Variants in DNAH6 observed in about 807,000 individuals in gnomAD.
The protein encoded by DNAH6 is axonemal beta dynein heavy chain 6.
Under a neutral mutation model 491.4 loss-of-function variants are expected in DNAH6, and 340 were observed. The observed-to-expected ratio is 0.69, with a 90% CI of 0.63 to 0.76. The LOEUF is 0.76. Ranked by LOEUF, DNAH6 falls within the 30% of genes least tolerant of loss-of-function variation. DNAH6 has a pLI of 0.00. For missense variants in DNAH6, 4,443 were observed against 4,972.2 expected (o/e 0.89, Z 3.20); for synonymous variants, 1,603 against 1,686.1 (o/e 0.95, Z 1.21).
chr2:84,685,302 T>A, intron 42 of DNAH6, 24 bp from the exon 43 acceptor site: 2 of 1,429,142 alleles, frequency 1.4e-6, no homozygotes, highest in Non-Finnish European at 1.9e-6. Flanking sequence ...TTTTCTTTTT[T>A]TTTTTCCTTT....
chr2:84,532,804 A>ATG (rs1216793406), intron 4 of DNAH6, among the ~76,000 whole-genome samples: 1 of 152,150 alleles, frequency 6.6e-6, no homozygotes, highest in Non-Finnish European at 1.5e-5. Context: ...TAAAAATGAT[A>ATG]TGTCATGCTA....
At chr2:84,804,419 T>A (rs1012492215) in intron 70 of DNAH6, among the ~76,000 whole-genome samples, 2 of 152,058 alleles carry the variant, frequency 1.3e-5, no homozygotes, top group Non-Finnish European at 2.9e-5. Flanking sequence ...TTACATAAAT[T>A]TATTAGCTCA....
chr2:84,794,952 G>C (rs1413783480), intron 68 of DNAH6, among the ~76,000 whole-genome samples: 1 of 151,404 alleles, frequency 6.6e-6, no homozygotes, highest in Non-Finnish European at 1.5e-5. Context: ...TGATACACTG[G>C]ATTAAGAAAA....
At chr2:84,805,266 A>G (rs998796673) in intron 70 of DNAH6, among the ~76,000 whole-genome samples, 1 of 152,238 alleles carries the variant, frequency 6.6e-6, no homozygotes, top group African/African-American at 2.4e-5. Flanking sequence ...TCCTTAAGCC[A>G]GTCACAAAAA....
At chr2:84,496,490 A>G in the DNAH6 span, among the ~76,000 whole-genome samples, 1 of 152,208 alleles carries the variant, frequency 6.6e-6, no homozygotes, top group Non-Finnish European at 1.5e-5. Flanking sequence ...AAATATTTTC[A>G]TCTTTATATT....
intron 72 of DNAH6, among the ~76,000 whole-genome samples, chr2:84,811,248 G>A (rs988630839): frequency 1.1e-4 from 17 of 152,254 alleles, no homozygotes; most frequent in African/African-American, 4.1e-4. Context: ...TGCTGTGCAT[G>A]TGGTCCCAGG....
intron 63 of DNAH6, among the ~76,000 whole-genome samples, chr2:84,747,532 C>G (rs1387010980): frequency 6.6e-6 from 1 of 152,188 alleles, no homozygotes; most frequent in Non-Finnish European, 1.5e-5. Context: ...TCCCCATGGC[C>G]TTTTGGGGAG....
chr2:84,672,489 C>G lies in DNAH6; in HGVS notation c.6612+5C>G. On this transcript the variant is annotated splice_donor_5th_base_variant and intron_variant, in intron 40 of 76. Coordinates refer to ENST00000389394, the MANE Select transcript of DNAH6 (RefSeq NM_001370.2). ...CTGTTTTGGAAAGAAATACAGGTTA[C>G]TTTAGCTTTTAAATTACTTGGTGTG... 1 of 1,545,758 alleles carries G rather than the reference C, an allele frequency of 6.5e-7. No individual in the cohort carries two copies. The highest frequency in any genetic ancestry group is 2.5e-5 in the East Asian group (1 of 40,814).
intron 54 of DNAH6, among the ~76,000 whole-genome samples, chr2:84,708,700 A>G (rs1220750948): frequency 6.6e-6 from 1 of 152,218 alleles, no homozygotes; most frequent in Admixed American, 6.5e-5. Context: ...TTTCATCTAC[A>G]TGCATTTTCC....
chr2:84,731,770 G>C lies in DNAH6; in HGVS notation c.10207-1674G>C, dbSNP rs529301108. Among the ~76,000 whole-genome samples the C allele has an allele frequency of 7.9e-5, 12 of 152,298 alleles. No individual in the cohort carries two copies. The South Asian group carries it at 2.5e-3, about 32-fold the overall frequency. Reference sequence around the variant, plus strand: ...GAGACACAACATTATAAGCCAGCTGGTTTGCCAGAGATAACTTAGGAGAAG... The same window carrying C: ...GAGACACAACATTATAAGCCAGCTGCTTTGCCAGAGATAACTTAGGAGAAG... On this transcript the variant is annotated intron_variant, in intron 61 of 76. Coordinates refer to ENST00000389394, the MANE Select transcript of DNAH6 (RefSeq NM_001370.2).
intron 30 of DNAH6, 33 bp from the exon 31 acceptor site, chr2:84,637,177 A>G: frequency 1.3e-6 from 2 of 1,493,268 alleles, no homozygotes; most frequent in Middle Eastern, 1.7e-4. Context: ...AAGTGTCTGG[A>G]AGAGTGTTAA....
At chr2:84,619,977 A>T in intron 24 of DNAH6, 73 bp downstream of exon 24, 2 of 1,272,062 alleles carry the variant, frequency 1.6e-6, no homozygotes, top group Admixed American at 4.4e-5. Flanking sequence ...CACTCTAAGC[A>T]TACAGGTACT....
chr2:84,467,626 T>G, the DNAH6 span, among the ~76,000 whole-genome samples: 570 of 152,352 alleles, frequency 3.7e-3, 10 homozygotes, highest in Non-Finnish European at 1.3e-3. Flanking sequence ...TGTACAACAT[T>G]TCTTGCATAA....
At chr2:84,648,419 G>T (rs1433784371) in intron 33 of DNAH6, among the ~76,000 whole-genome samples, 1 of 152,198 alleles carries the variant, frequency 6.6e-6, no homozygotes, top group Non-Finnish European at 1.5e-5. Context: ...TTTCTCTAAT[G>T]GATCCAGGCA....
intron 18 of DNAH6, among the ~76,000 whole-genome samples, chr2:84,595,994 T>C (rs1406427080): frequency 6.6e-6 from 1 of 152,162 alleles, no homozygotes; most frequent in Admixed American, 6.5e-5. Flanking sequence ...ATACTGTGGT[T>C]AGGAGGGGCA....
At chr2:84,635,181 G>T (rs992793493) in intron 30 of DNAH6, among the ~76,000 whole-genome samples, 1 of 152,198 alleles carries the variant, frequency 6.6e-6, no homozygotes, top group Non-Finnish European at 1.5e-5. Context: ...AAGGTGTCCT[G>T]ATAAGAGTTG....
chr2:84,614,882 T>G (rs1438903973), intron 22 of DNAH6, among the ~76,000 whole-genome samples: 2 of 152,156 alleles, frequency 1.3e-5, no homozygotes, highest in Non-Finnish European at 2.9e-5. Flanking sequence ...GTTTGTTTTT[T>G]TCTTGCTGAT....
intron 70 of DNAH6, among the ~76,000 whole-genome samples, chr2:84,801,468 G>A (rs549044284): frequency 6.6e-6 from 1 of 152,186 alleles, no homozygotes; most frequent in African/African-American, 2.4e-5. Context: ...AAAATCTTAA[G>A]GCATTAGAGA....
At chr2:84,506,020 C>A in the DNAH6 span, among the ~76,000 whole-genome samples, 1 of 152,220 alleles carries the variant, frequency 6.6e-6, no homozygotes, top group Admixed American at 6.5e-5. Flanking sequence ...AATAAACATA[C>A]ATATGCATGT....
Sources: gnomAD v4.1 joint callset for allele counts (sites outside exome capture counted in the v4.1 genomes callset) on GRCh38, gnomAD v4.1.1 for gene constraint, MANE v1.5 for transcripts, NCBI Gene and HGNC (gene_info 2026-07-23, HGNC 2026-07-21) for gene names.